SREBF1: variants seen among roughly 807,000 people sequenced by gnomAD.
The protein encoded by SREBF1 is sterol regulatory element-binding protein 1.
Under a neutral mutation model 100.1 loss-of-function variants are expected in SREBF1, and 45 were observed. The observed-to-expected ratio is 0.45, with a 90% CI of 0.35 to 0.58. The LOEUF (loss-of-function observed/expected upper bound fraction) is 0.58, where lower values mean the gene tolerates loss of function less well. Among genes scored for constraint, SREBF1 ranks in the 20% least tolerant of loss-of-function variants. The pLI is 0.00. For synonymous variants in SREBF1, 657 were observed against 681.8 expected (o/e 0.96, Z 0.57); for missense variants, 1,324 against 1,539.4 (o/e 0.86, Z 2.34).
At position 17,814,906 on chromosome 17, in the gene SREBF1, T is replaced by C; in HGVS notation, c.2531A>G (p.Asn844Ser). ...SDALGYLQLL[N>S]SCSDAAGAPA... ...AGCCCCCGCAGCATCAGAACAGCTG[T>C]TCAGCAGCTGCAGGTACCCGAGGGC... The change falls in exon 14 of 19, where the codon AAC (asparagine) becomes AGC (serine). Residue 844 changes from asparagine (N) to serine (S), a missense_variant. Transcript: ENST00000261646. 1 of 1,579,840 alleles carries C rather than the reference T, an allele frequency of 6.3e-7. No homozygotes were observed. Among genetic ancestry groups the C allele is most frequent in the Non-Finnish European group, 8.6e-7 (1 of 1,163,450 alleles).
At chr17:17,834,886 C>T (rs943562863) in intron 1 of SREBF1, among the ~76,000 whole-genome samples, 9 of 152,108 alleles carry the variant, frequency 5.9e-5, no homozygotes, top group Non-Finnish European at 1.2e-4. Context: ...TGGTGGCTGG[C>T]GCCTGTAGTC....
rs769163290 is a variant in SREBF1, at chr17:17,817,333, C to T, written c.1529G>A (p.Arg510Gln). 5.6e-6 allele frequency: 9 copies of T among 1,605,260 alleles called. No homozygotes were observed. Among genetic ancestry groups the T allele is most frequent in the Non-Finnish European group, 7.6e-6 (9 of 1,177,110 alleles). ...GGTATCTGAGGGGCTGGGAAGCCCC[C>T]GGGCCCCCAGCAAGGAGGCCAAGGG... ...CNPLASLLGA[R>Q]GLPSPSDTTS... is the part of the protein sequence containing the mutation. The change falls in exon 8 of 19, where the codon CGG (arginine) becomes CAG (glutamine). Residue 510 changes from arginine (R) to glutamine (Q), a missense_variant. Coordinates refer to ENST00000261646, the MANE Select transcript of SREBF1 (RefSeq NM_004176.5). This position sits in a 1 kb window ranked among gnomAD's most constrained non-coding sequence, Gnocchi z 6.6.
At chr17:17,813,239 G>A (rs935230822) in intron 18 of SREBF1, 129 bp downstream of exon 18, 4 of 973,500 alleles carry the variant, frequency 4.1e-6, no homozygotes, top group Non-Finnish European at 6.3e-6. Context: ...AAAGTGCTAG[G>A]TGTGAGCCAC....
intron 1 of SREBF1, among the ~76,000 whole-genome samples, chr17:17,836,241 CG>C (rs943560517): frequency 6.6e-6 from 1 of 152,256 alleles, no homozygotes; most frequent in Non-Finnish European, 1.5e-5. Flanking sequence ...CGACACGAGG[CG>C]GGGGAAGGGC....
chr17:17,832,108 G>A (rs1454117339), intron 1 of SREBF1, among the ~76,000 whole-genome samples: 2 of 152,148 alleles, frequency 1.3e-5, no homozygotes, highest in East Asian at 3.8e-4. Flanking sequence ...GTGCTTAAGA[G>A]CTTAAGAGCT....
At chr17:17,813,884 G>C in intron 16 of SREBF1, 115 bp from the exon 17 acceptor site, 4 of 1,098,350 alleles carry the variant, frequency 3.6e-6, no homozygotes, top group Non-Finnish European at 5.3e-6. Flanking sequence ...CACTGCACCC[G>C]CCTCACACAC....
intron 1 of SREBF1, among the ~76,000 whole-genome samples, chr17:17,826,008 T>A (rs1298850470): frequency 1.3e-5 from 2 of 152,212 alleles, no homozygotes; most frequent in African/African-American, 4.8e-5. Flanking sequence ...GTGGGCTATC[T>A]GGGGCTGCAT....
intron 12 of SREBF1, 175 bp from the exon 13 acceptor site, chr17:17,815,504 C>T (rs2033464370): frequency 8.2e-6 from 5 of 611,642 alleles, no homozygotes; most frequent in South Asian, 7.7e-5. Flanking sequence ...ATAACTATCA[C>T]CAGCACCAGC....
chr17:17,812,019 A>G lies in SREBF1; in HGVS notation c.*603T>C. ...GAAGCCTTTCCCTAGGTGCTGGGGGAGGGCCCAAGCACTCTCACTAGTCAG... is the reference window on the plus strand; with the variant it reads ...GAAGCCTTTCCCTAGGTGCTGGGGGGGGGCCCAAGCACTCTCACTAGTCAG... On this transcript the variant is annotated 3_prime_UTR_variant, in exon 19 of 19. Coordinates refer to ENST00000261646, the MANE Select transcript of SREBF1 (RefSeq NM_004176.5). The G allele has an allele frequency of 2.3e-6, 1 of 436,750 alleles. No homozygotes were observed. The highest frequency in any genetic ancestry group is 4.5e-6 in the Non-Finnish European group (1 of 221,158). 27.1% of individuals were successfully genotyped at this position (436,750 alleles called of 1,614,324 possible).
Position 17,817,548 on chromosome 17 carries a change from C to T in SREBF1, c.1405-91G>A. Reference sequence around the variant, plus strand: ...AGGGGGGGGTCAGGATTCTGCCCACCTTACTGTGGGACCCCACGTGGCTCC... The same window carrying T: ...AGGGGGGGGTCAGGATTCTGCCCACTTTACTGTGGGACCCCACGTGGCTCC... On this transcript the variant is annotated intron_variant, in intron 7 of 18. Transcript: ENST00000261646. The surrounding 1 kb of genome is among the most constrained non-coding windows in gnomAD (Gnocchi z 6.6). 2 of 1,529,806 alleles carry T rather than the reference C, an allele frequency of 1.3e-6. No individual in the cohort carries two copies. The highest frequency in any genetic ancestry group is 2.4e-5 in the South Asian group (2 of 83,984). The allele number at this position is 1,529,806 out of a possible 1,614,324, so 94.8% of individuals were successfully genotyped here. A position where few individuals can be genotyped will look rare whatever the true frequency, so the allele number is the denominator to read the frequency against.
At chr17:17,830,474 G>T (rs903692204) in intron 1 of SREBF1, among the ~76,000 whole-genome samples, 2 of 152,238 alleles carry the variant, frequency 1.3e-5, no homozygotes, top group African/African-American at 2.4e-5. Context: ...GAACCTGAAG[G>T]TTCTTGGACT....
chr17:17,813,042 C>A, intron 18 of SREBF1, 191 bp from the exon 19 acceptor site: 1 of 610,714 alleles, frequency 1.6e-6, no homozygotes, highest in South Asian at 2.0e-5. Flanking sequence ...GAGTCACGCA[C>A]GTGCAGTCAT....
chr17:17,832,719 G>A (rs2034936691), intron 1 of SREBF1, among the ~76,000 whole-genome samples: 1 of 152,090 alleles, frequency 6.6e-6, no homozygotes, highest in African/African-American at 2.4e-5. Context: ...AGGAGATCGA[G>A]ACCATCCTGG....
At chr17:17,816,743 A>G (rs992463380) in intron 9 of SREBF1, 25 bp from the exon 10 acceptor site, 2 of 1,569,610 alleles carry the variant, frequency 1.3e-6, no homozygotes, top group African/African-American at 2.7e-5. Flanking sequence ...TTTCCAGGTG[A>G]GAAAAGTGAG....
At chr17:17,836,641 G>A (rs537152415) in intron 1 of SREBF1, 86 bp downstream of exon 1, 5 of 1,355,656 alleles carry the variant, frequency 3.7e-6, no homozygotes, top group East Asian at 2.5e-5. Context: ...TGGCGCCCGT[G>A]GGGGAGACAA....
rs1555573429 is a variant in SREBF1 at position 17,833,450 on chromosome 17, A to AATATATAT, written c.91+3269_91+3276dup. Among the ~76,000 whole-genome samples, 199 of 47,424 alleles carry AATATATAT rather than the reference A, an allele frequency of 4.2e-3. 2 individuals carry two copies. Among genetic ancestry groups the AATATATAT allele is most frequent in the East Asian group, 0.016 (18 of 1,092 alleles). 31.1% of individuals were successfully genotyped at this position (47,424 alleles called of 152,430 possible). ...AAAAAAAAAAAAAAAAAAAAAAAAA[A>AATATATAT]ATATATATATATATATATATATATA... On this transcript the variant is annotated intron_variant, in intron 1 of 18. Transcript: ENST00000261646.
intron 10 of SREBF1, 41 bp from the exon 11 acceptor site, chr17:17,816,414 G>T (rs760902013): frequency 1.9e-6 from 3 of 1,599,858 alleles, no homozygotes; most frequent in Non-Finnish European, 2.6e-6. Context: ...TGGAGCACAG[G>T]CAGCAGGGAG....
At chr17:17,828,386 C>T (rs374013453) in intron 1 of SREBF1, among the ~76,000 whole-genome samples, 1 of 152,214 alleles carries the variant, frequency 6.6e-6, no homozygotes. Flanking sequence ...CTCAGAGCCA[C>T]GTTTCCTCCT....
intron 1 of SREBF1, chr17:17,823,642 G>A: frequency 6.5e-7 from 1 of 1,532,730 alleles, no homozygotes; most frequent in Non-Finnish European, 8.9e-7. Context: ...AAGCCGTTGA[G>A]CGCTGCGGCG....
Sources: allele counts gnomAD v4.1 joint callset (sites outside exome capture counted in the v4.1 genomes callset), GRCh38; gene constraint gnomAD v4.1.1; non-coding constraint Gnocchi (gnomAD v3.1); transcripts MANE v1.5; gene names NCBI Gene and HGNC (gene_info 2026-07-23, HGNC 2026-07-21).